KHDRBS2: variants seen among roughly 807,000 people sequenced by gnomAD.
KHDRBS2 encodes KH domain-containing, RNA-binding, signal transduction-associated protein 2.
A neutral mutation model predicts 44.3 loss-of-function variants in KHDRBS2; 26 were observed. The ratio of observed to expected loss-of-function variants is 0.59; its 90% CI spans 0.43 to 0.81. The LOEUF (loss-of-function observed/expected upper bound fraction) is 0.81. Among genes scored for constraint, KHDRBS2 ranks in the 40% least tolerant of loss-of-function variants. The probability of loss-of-function intolerance (pLI) is 0.00; values close to 1 mark genes in which losing one functional copy is unlikely to be tolerated. For synonymous variants in KHDRBS2, 194 were observed against 151.1 expected (o/e 1.28, Z -2.08); for missense variants, 476 against 433.1 (o/e 1.10, Z -0.88).
intron 2 of KHDRBS2, among the ~76,000 whole-genome samples, chr6:62,075,479 C>G (rs1162092743): frequency 6.6e-6 from 1 of 151,910 alleles, no homozygotes; most frequent in Non-Finnish European, 1.5e-5. Context: ...TACCAATGGT[C>G]CTGGTTCAAT....
chr6:62,066,766 T>C (rs1388217808), intron 2 of KHDRBS2, among the ~76,000 whole-genome samples: 2 of 151,666 alleles, frequency 1.3e-5, no homozygotes, highest in African/African-American at 4.8e-5. Flanking sequence ...TTTGGCTCTA[T>C]GTAATTTACA....
chr6:62,034,604 A>G (rs1784922370), intron 3 of KHDRBS2, among the ~76,000 whole-genome samples: 2 of 151,432 alleles, frequency 1.3e-5, no homozygotes, highest in African/African-American at 4.8e-5. Context: ...TTCCTTCATG[A>G]TAAAAACACT....
intron 6 of KHDRBS2, among the ~76,000 whole-genome samples, chr6:61,760,322 G>A (rs1335769049): frequency 6.6e-6 from 1 of 152,136 alleles, no homozygotes; most frequent in Admixed American, 6.6e-5. Context: ...CTTTAGAGAG[G>A]ATGGTTTCTA....
At chr6:62,256,072 T>C (rs486719) in intron 1 of KHDRBS2, among the ~76,000 whole-genome samples, 32,411 of 151,526 alleles carry the variant, frequency 0.21, 4,543 homozygotes, top group African/African-American at 0.4. Flanking sequence ...GAGGCAGAGG[T>C]TGCAGTGAGC....
At chr6:61,865,169 C>A (rs1797595856) in intron 6 of KHDRBS2, among the ~76,000 whole-genome samples, 1 of 152,082 alleles carries the variant, frequency 6.6e-6, no homozygotes, top group Non-Finnish European at 1.5e-5. Flanking sequence ...TCAGTACCTG[C>A]ATTGTTTTAT....
chr6:61,734,396 T>C (rs1232512359), intron 6 of KHDRBS2, among the ~76,000 whole-genome samples: 2 of 152,090 alleles, frequency 1.3e-5, no homozygotes, highest in African/African-American at 2.4e-5. Context: ...TAGTTCCTTG[T>C]CTTGTTCTCC....
intron 2 of KHDRBS2, among the ~76,000 whole-genome samples, chr6:62,104,436 C>A (rs188869249): frequency 2.6e-5 from 4 of 152,074 alleles, no homozygotes; most frequent in African/African-American, 7.2e-5. Flanking sequence ...TCATTCAAGT[C>A]ATGCATCGTT....
chr6:61,861,246 T>C (rs1299494833), intron 6 of KHDRBS2, among the ~76,000 whole-genome samples: 1 of 152,204 alleles, frequency 6.6e-6, no homozygotes, highest in Non-Finnish European at 1.5e-5. Flanking sequence ...TTATTTGCTT[T>C]TGTTGCAGTT....
At chr6:61,721,845 C>G (rs1308839826) in intron 7 of KHDRBS2, among the ~76,000 whole-genome samples, 1 of 132,684 alleles carries the variant, frequency 7.5e-6, no homozygotes, top group Non-Finnish European at 1.6e-5. Context: ...AGAGGGCACC[C>G]CGTCTTGTGC....
At chr6:61,619,771 T>C in the KHDRBS2 span, among the ~76,000 whole-genome samples, 1 of 152,152 alleles carries the variant, frequency 6.6e-6, no homozygotes, top group East Asian at 1.9e-4. Flanking sequence ...TTTTAATGGC[T>C]GAGTAGTATT....
At chr6:61,818,803 A>C (rs2127248833) in intron 6 of KHDRBS2, among the ~76,000 whole-genome samples, 1 of 152,098 alleles carries the variant, frequency 6.6e-6, no homozygotes, top group Middle Eastern at 3.4e-3. Context: ...GAACAAAATA[A>C]GCATAAAAAT....
intron 4 of KHDRBS2, among the ~76,000 whole-genome samples, chr6:61,975,075 C>T (rs981294811): frequency 3.3e-5 from 5 of 152,072 alleles, no homozygotes; most frequent in Admixed American, 2.6e-4. Context: ...ACTTAAAATG[C>T]TGAAAGTGGG....
chr6:61,835,627 C>T (rs1792523181), intron 6 of KHDRBS2, among the ~76,000 whole-genome samples: 1 of 151,596 alleles, frequency 6.6e-6, no homozygotes, highest in Non-Finnish European at 1.5e-5. Context: ...TGCTTATGGC[C>T]TTACAATATA....
intron 3 of KHDRBS2, among the ~76,000 whole-genome samples, chr6:62,024,607 T>C (rs1782960053): frequency 6.6e-6 from 1 of 151,634 alleles, no homozygotes; most frequent in African/African-American, 2.4e-5. Context: ...TATCAAACTT[T>C]CTAAAAGAGA....
chr6:61,898,962 A>G (rs1803441355), intron 5 of KHDRBS2, among the ~76,000 whole-genome samples: 1 of 151,950 alleles, frequency 6.6e-6, no homozygotes. Context: ...CATGAAATCA[A>G]TATTTGTAGA....
intron 6 of KHDRBS2, among the ~76,000 whole-genome samples, chr6:61,874,357 A>G (rs1203957574): frequency 6.6e-6 from 1 of 152,194 alleles, no homozygotes; most frequent in Non-Finnish European, 1.5e-5. Context: ...ATAAGAATTC[A>G]TGCTGATTAA....
chr6:61,980,505 T>G lies in KHDRBS2; in HGVS notation c.337-2293A>C, dbSNP rs547124935. Among the ~76,000 whole-genome samples, 16 of 152,326 alleles carry G rather than the reference T, an allele frequency of 1.1e-4. No individual in the cohort carries two copies. In the South Asian group the frequency reaches 2.7e-3, roughly 26 times the overall value. ...AGTTTTATAGAAAATAAGTCTTATG[T>G]TGCCTGGTCAAAGCTGGCTACATTT... On this transcript the variant is annotated intron_variant, in intron 3 of 8. Coordinates refer to ENST00000281156, the MANE Select transcript of KHDRBS2 (RefSeq NM_152688.4).
At position 61,894,768 on chromosome 6, in the gene KHDRBS2, C is replaced by G. The variant is rs1421825330; in HGVS notation, c.677G>C (p.Ser226Thr). The change falls in exon 6 of 9, where the codon AGC (serine) becomes ACC (threonine). Residue 226 changes from serine to threonine, a missense_variant. Transcript: ENST00000281156. Reference sequence around the variant, plus strand: ...TGGAAGCGCTCCACGGGTTACAGTGCTTCCCCGAGGGGTGAGAACACCTCG... The same window carrying G: ...TGGAAGCGCTCCACGGGTTACAGTGGTTCCCCGAGGGGTGAGAACACCTCG... ...PGRGVLTPRG[S>T]TVTRGALPVP... 2 of 1,613,486 alleles carry G rather than the reference C, an allele frequency of 1.2e-6. No individual in the cohort carries two copies. Among genetic ancestry groups the G allele is most frequent in the Admixed American group, 3.3e-5 (2 of 59,974 alleles).
At chr6:62,284,471 T>G (rs1283311661) in intron 1 of KHDRBS2, among the ~76,000 whole-genome samples, 2 of 152,160 alleles carry the variant, frequency 1.3e-5, no homozygotes, top group Admixed American at 1.3e-4. Flanking sequence ...ATTATTTTGC[T>G]ATTATTTTTA....
Sources: allele counts gnomAD v4.1 joint callset (sites outside exome capture counted in the v4.1 genomes callset), GRCh38; gene constraint gnomAD v4.1.1; transcripts MANE v1.5; gene names NCBI Gene and HGNC (gene_info 2026-07-23, HGNC 2026-07-21).